The following DEPDC5 variants were observed in gnomAD, a reference collection of about 807,000 sequenced individuals.
DEPDC5 encodes the protein GATOR1 complex protein DEPDC5.
Under a neutral mutation model 217.3 loss-of-function variants are expected in DEPDC5, and 73 were observed. That is an observed-to-expected ratio of 0.34 (90% CI 0.28 to 0.41). The LOEUF is 0.41. Ranked by LOEUF, DEPDC5 falls within the 10% of genes least tolerant of loss-of-function variation. The pLI is 1.00. For synonymous variants in DEPDC5, 733 were observed against 756.7 expected, an observed-to-expected ratio of 0.97 and a Z score of 0.51; for missense variants, 1,675 against 2,070.1, an observed-to-expected ratio of 0.81 and a Z score of 3.70.
intron 27 of DEPDC5, among the ~76,000 whole-genome samples, 193 bp downstream of exon 27, chr22:31,839,038 T>G (rs1411554823): frequency 6.6e-6 from 1 of 152,194 alleles, no homozygotes; most frequent in East Asian, 1.9e-4. Flanking sequence ...TCTCTTTAAT[T>G]TACAACTCTC....
Position 31,861,389 on chromosome 22 carries a change from T to C in DEPDC5, c.3286T>C (p.Phe1096Leu). ...TCAGGACGGGGCCTTCTTTATGGAG[T>C]TTGTCCGCAGCCCACGCACAGCATC... ...PRKDGAFFME[F>L]VRSPRTASSA... The change falls in exon 33 of 43, where the codon TTT (phenylalanine) becomes CTT (leucine). Residue 1096 changes from phenylalanine (F) to leucine (L), a missense_variant. Physicochemically the swap from Phe to Leu is conservative, Grantham distance 22. Transcript: ENST00000651528. The C allele has an allele frequency of 6.4e-7, 1 of 1,551,562 alleles. No individual in the cohort carries two copies. Among genetic ancestry groups the C allele is most frequent in the South Asian group, 1.2e-5 (1 of 84,048 alleles).
chr22:31,797,170 C>T (rs892667713), intron 12 of DEPDC5, among the ~76,000 whole-genome samples: 1 of 151,672 alleles, frequency 6.6e-6, no homozygotes, highest in African/African-American at 2.4e-5. Flanking sequence ...TTGTAAAGAA[C>T]CTGATGTTCT....
At chr22:31,768,677 G>T (rs949784247) in intron 6 of DEPDC5, 137 bp from the exon 7 acceptor site, 2 of 697,790 alleles carry the variant, frequency 2.9e-6, no homozygotes, top group Non-Finnish European at 4.7e-6. Context: ...TCAACTTTGG[G>T]TTGGTAGAAG....
At chr22:31,874,449 C>T (rs372642117) in intron 36 of DEPDC5, 44 bp downstream of exon 36, 96 of 1,561,360 alleles carry the variant, frequency 6.1e-5, no homozygotes, top group African/African-American at 4.5e-4. Flanking sequence ...GCTTAGGTCC[C>T]GAAAAATCAG....
intron 21 of DEPDC5, among the ~76,000 whole-genome samples, chr22:31,816,224 T>A (rs1330075856): frequency 1.3e-5 from 2 of 150,046 alleles, no homozygotes; most frequent in East Asian, 4.0e-4. Flanking sequence ...CACTTGAACC[T>A]GGCAGGCGTA....
intron 32 of DEPDC5, 56 bp downstream of exon 32, chr22:31,857,609 G>A (rs1282283249): frequency 6.8e-7 from 1 of 1,461,020 alleles, no homozygotes. Context: ...ACTCAGTGTG[G>A]AGGGTAAAAC....
intron 24 of DEPDC5, among the ~76,000 whole-genome samples, chr22:31,828,810 ACT>A (rs1315277006): frequency 5.9e-5 from 9 of 152,102 alleles, no homozygotes; most frequent in African/African-American, 2.2e-4. Flanking sequence ...TAAGACACTG[ACT>A]CTCCCGACCT....
At chr22:31,766,154 C>G (rs1415220604) in intron 5 of DEPDC5, among the ~76,000 whole-genome samples, 1 of 152,184 alleles carries the variant, frequency 6.6e-6, no homozygotes, top group Non-Finnish European at 1.5e-5. Flanking sequence ...GTATGTGAAA[C>G]TATATGTAAA....
intron 31 of DEPDC5, chr22:31,853,558 G>T (rs1245427065): frequency 1.3e-5 from 2 of 152,114 alleles, no homozygotes; most frequent in African/African-American, 4.8e-5. Context: ...ACAACATACA[G>T]CAGACAACAT....
chr22:31,783,736 G>T (rs2084697057), intron 8 of DEPDC5, among the ~76,000 whole-genome samples, 171 bp from the exon 9 acceptor site: 1 of 152,022 alleles, frequency 6.6e-6, no homozygotes, highest in South Asian at 2.1e-4. Flanking sequence ...AAAAAATTGT[G>T]GTTAAAAAGC....
intron 5 of DEPDC5, 94 bp from the exon 6 acceptor site, chr22:31,766,491 C>A (rs1246611236): frequency 1.6e-6 from 2 of 1,262,676 alleles, no homozygotes; most frequent in Admixed American, 4.1e-5. Flanking sequence ...TTCTTTTTTG[C>A]AATAAGTTTT....
intron 10 of DEPDC5, among the ~76,000 whole-genome samples, chr22:31,786,344 C>T (rs1054621273): frequency 1.3e-5 from 2 of 149,624 alleles, no homozygotes; most frequent in Non-Finnish European, 3.0e-5. Context: ...TGCATGAGCC[C>T]TGGAATTGCA....
chr22:31,891,802 C>A (rs3788436), intron 38 of DEPDC5, among the ~76,000 whole-genome samples: 3 of 152,118 alleles, frequency 2.0e-5, no homozygotes, highest in Non-Finnish European at 4.4e-5. Context: ...AACAGAAACC[C>A]TAGGTCTGGC....
rs35222514 is a variant in DEPDC5, at chr22:31,756,038, AT to A, written c.58+1078del. Among the ~76,000 whole-genome samples, 652 of 116,842 alleles carry A rather than the reference AT, an allele frequency of 5.6e-3. 2 individuals are homozygous for A. The highest frequency in any genetic ancestry group is 0.023 in the Middle Eastern group (5 of 216). 76.7% of individuals were successfully genotyped at this position (116,842 alleles called of 152,430 possible). On this transcript the variant is annotated intron_variant, in intron 2 of 42. Transcript: ENST00000651528. ...CAGGTGCATGCCGCCACACCTGGCT[AT>A]TTTTTTTTTTTTTTTTTTGTATTTT...
intron 37 of DEPDC5, 101 bp from the exon 38 acceptor site, chr22:31,879,424 T>C: frequency 8.8e-7 from 1 of 1,132,758 alleles, no homozygotes; most frequent in East Asian, 2.5e-5. Flanking sequence ...TCGGCTTCTT[T>C]TACTTAGCGT....
intron 16 of DEPDC5, among the ~76,000 whole-genome samples, 177 bp downstream of exon 16, chr22:31,804,400 C>T (rs2087243646): frequency 6.6e-6 from 1 of 152,138 alleles, no homozygotes; most frequent in African/African-American, 2.4e-5. Context: ...TATGAATAAC[C>T]ACTGCACTCC....
At chr22:31,832,789 TGA>T (rs1675612622) in intron 24 of DEPDC5, among the ~76,000 whole-genome samples, 1 of 152,372 alleles carries the variant, frequency 6.6e-6, no homozygotes, top group South Asian at 2.1e-4. Flanking sequence ...CTTTTGAATT[TGA>T]GAGTTCCCTA....
At chr22:31,815,752 A>G in intron 21 of DEPDC5, 1 of 1,121,376 alleles carries the variant, frequency 8.9e-7, no homozygotes, top group Non-Finnish European at 1.2e-6. Flanking sequence ...GCTGGTCTTG[A>G]ACTCCTGGAC....
In DEPDC5 at chr22:31,906,135, C is replaced by T; in HGVS notation, c.4519+69C>T. ...TTTCCTTGCACCAAGCCTATGGCTG[C>T]AGAACCACCTCAGCAGGCTCCAGGA... On this transcript the variant is annotated intron_variant, in intron 42 of 42. Transcript: ENST00000651528. The surrounding 1 kb of genome is among the most constrained non-coding windows in gnomAD (Gnocchi z 5.1). 26 of 1,613,278 alleles carry T rather than the reference C, an allele frequency of 1.6e-5. No homozygotes were observed. The highest frequency in any genetic ancestry group is 2.2e-5 in the Non-Finnish European group (26 of 1,179,546).
Sources: allele counts gnomAD v4.1 joint callset (sites outside exome capture counted in the v4.1 genomes callset), GRCh38; gene constraint gnomAD v4.1.1; non-coding constraint Gnocchi (gnomAD v3.1); transcripts MANE v1.5; gene names NCBI Gene and HGNC (gene_info 2026-07-23, HGNC 2026-07-21).